Variants in C1orf21 observed in about 807,000 individuals in gnomAD.
The protein encoded by C1orf21 is uncharacterized protein C1orf21.
A neutral mutation model predicts 18.7 loss-of-function variants in C1orf21; 3 were observed. The observed-to-expected ratio is 0.16, with a 90% CI of 0.07 to 0.42. The LOEUF is 0.42. Among genes scored for constraint, C1orf21 ranks in the 10% least tolerant of loss-of-function variants. C1orf21 has a pLI of 0.99. For missense variants in C1orf21, 104 were observed against 143.6 expected (o/e 0.72, Z 1.41); for synonymous variants, 41 against 46.4 (o/e 0.88, Z 0.47).
At chr1:184,557,521 T>G (rs993715866) in intron 3 of C1orf21, among the ~76,000 whole-genome samples, 2 of 152,234 alleles carry the variant, frequency 1.3e-5, no homozygotes, top group South Asian at 2.1e-4. Context: ...TATTCTTGAG[T>G]TACTTCACTT....
chr1:184,397,314 C>T (rs974781631), intron 1 of C1orf21, among the ~76,000 whole-genome samples: 5 of 152,328 alleles, frequency 3.3e-5, no homozygotes, highest in African/African-American at 1.2e-4. Flanking sequence ...TGGCTAGGCA[C>T]AGTGGCTCAC....
intron 1 of C1orf21, among the ~76,000 whole-genome samples, chr1:184,465,206 A>G (rs1056261226): frequency 6.6e-6 from 1 of 152,154 alleles, no homozygotes; most frequent in African/African-American, 2.4e-5. Flanking sequence ...ACCCAACAGA[A>G]TTTGTGCTTT....
At chr1:184,587,262 C>CTTTTTTTTTTTTTTT (rs35263651) in intron 3 of C1orf21, among the ~76,000 whole-genome samples, 1 of 76,456 alleles carries the variant, frequency 1.3e-5, no homozygotes, top group Non-Finnish European at 2.9e-5. Flanking sequence ...GCTATTTGGG[C>CTTTTTTTTTTTTTTT]TTTTTTTTTT....
At chr1:184,397,067 C>G (rs753993534) in intron 1 of C1orf21, among the ~76,000 whole-genome samples, 7 of 151,966 alleles carry the variant, frequency 4.6e-5, no homozygotes, top group Non-Finnish European at 1.0e-4. Context: ...TCTAGGGAAC[C>G]CCCGTGTTTC....
At chr1:184,390,727 G>T (rs1655958824) in intron 1 of C1orf21, among the ~76,000 whole-genome samples, 1 of 152,088 alleles carries the variant, frequency 6.6e-6, no homozygotes, top group Non-Finnish European at 1.5e-5. Flanking sequence ...GCTTTACTGT[G>T]TAAAGATACT....
At chr1:184,603,522 C>T (rs774107463) in intron 5 of C1orf21, among the ~76,000 whole-genome samples, 1 of 152,224 alleles carries the variant, frequency 6.6e-6, no homozygotes, top group Non-Finnish European at 1.5e-5. Context: ...TGGCTGGGTG[C>T]AGTGGCTCAC....
At chr1:184,559,969 C>T (rs982821976) in intron 3 of C1orf21, among the ~76,000 whole-genome samples, 13 of 152,042 alleles carry the variant, frequency 8.6e-5, no homozygotes, top group African/African-American at 3.1e-4. Context: ...TCAGGCTGGT[C>T]TCGGACTCCT....
At chr1:184,591,129 T>C (rs1244570723) in intron 4 of C1orf21, among the ~76,000 whole-genome samples, 2 of 152,166 alleles carry the variant, frequency 1.3e-5, no homozygotes, top group Non-Finnish European at 2.9e-5. Context: ...GATTTTGTTA[T>C]CTATCTGCAG....
At chr1:184,530,511 C>A (rs1159630334) in intron 3 of C1orf21, among the ~76,000 whole-genome samples, 1 of 151,610 alleles carries the variant, frequency 6.6e-6, no homozygotes, top group Non-Finnish European at 1.5e-5. Context: ...ATAAGTAATT[C>A]TGTGCCTTTT....
chr1:184,530,899 G>C (rs1658452538), intron 3 of C1orf21, among the ~76,000 whole-genome samples: 1 of 151,924 alleles, frequency 6.6e-6, no homozygotes, highest in African/African-American at 2.4e-5. Context: ...TGTAGAAATG[G>C]CATTGTGGTA....
At chr1:184,462,646 TG>T (rs869069849) in intron 1 of C1orf21, among the ~76,000 whole-genome samples, 1 of 152,036 alleles carries the variant, frequency 6.6e-6, no homozygotes, top group Non-Finnish European at 1.5e-5. Context: ...CATATTTTTT[TG>T]GGGGGGAATA....
intron 1 of C1orf21, among the ~76,000 whole-genome samples, chr1:184,450,459 A>G (rs1302711079): frequency 1.3e-5 from 2 of 152,176 alleles, no homozygotes; most frequent in Non-Finnish European, 2.9e-5. Context: ...AATGAATGTC[A>G]ACAATGCTTT....
At chr1:184,481,230 C>G (rs1418929656) in intron 2 of C1orf21, among the ~76,000 whole-genome samples, 3 of 152,168 alleles carry the variant, frequency 2.0e-5, no homozygotes, top group Non-Finnish European at 4.4e-5. Flanking sequence ...ACTTGAAGCT[C>G]TCAGTCGCAT....
chr1:184,461,972 C>T (rs1657313160), intron 1 of C1orf21, among the ~76,000 whole-genome samples: 1 of 152,166 alleles, frequency 6.6e-6, no homozygotes, highest in South Asian at 2.1e-4. Context: ...ACTAGAAATG[C>T]CCATTAGAAA....
chr1:184,499,780 C>T (rs1320510510), intron 2 of C1orf21, among the ~76,000 whole-genome samples: 5 of 152,042 alleles, frequency 3.3e-5, no homozygotes, highest in African/African-American at 1.2e-4. Context: ...ACAAATCTCT[C>T]TGCAACTGTA....
intron 3 of C1orf21, among the ~76,000 whole-genome samples, chr1:184,509,899 T>G (rs2101964830): frequency 6.6e-6 from 1 of 152,286 alleles, no homozygotes; most frequent in Non-Finnish European, 1.5e-5. Context: ...GCTCTGCCAC[T>G]TGCTCACTGT....
chr1:184,551,166 G>A (rs769720906), intron 3 of C1orf21, among the ~76,000 whole-genome samples: 1 of 152,108 alleles, frequency 6.6e-6, no homozygotes, highest in African/African-American at 2.4e-5. Context: ...ATGGAGAAGA[G>A]GTAGATTATT....
chr1:184,446,838 T>C (rs1657036989), intron 1 of C1orf21, among the ~76,000 whole-genome samples: 2 of 150,528 alleles, frequency 1.3e-5, no homozygotes, highest in Non-Finnish European at 3.0e-5. Context: ...AGTATGGTTA[T>C]GATTTTTTCG....
In C1orf21 at chr1:184,584,001, A is replaced by G. The variant is rs796943710; in HGVS notation, c.190-6738A>G. Among the ~76,000 whole-genome samples, 3 of 152,088 alleles carry G rather than the reference A, an allele frequency of 2.0e-5. No individual in the cohort carries two copies. The South Asian group carries it at 6.2e-4, about 32-fold the overall frequency. On this transcript the variant is annotated intron_variant, in intron 3 of 5. Coordinates refer to ENST00000235307, the MANE Select transcript of C1orf21 (RefSeq NM_030806.4). ...TTCTGGAGCACCTCAGATATTGCAT[A>G]GCTCTCAGCCCCCTCTGCTGGGTCT...
Sources: allele counts gnomAD v4.1 joint callset (sites outside exome capture counted in the v4.1 genomes callset), GRCh38; gene constraint gnomAD v4.1.1; transcripts MANE v1.5; gene names NCBI Gene and HGNC (gene_info 2026-07-23, HGNC 2026-07-21).